Variants in WDR70 observed in about 807,000 individuals in gnomAD.
The protein encoded by WDR70 is WD repeat domain 70.
WDR70 carries 53 observed loss-of-function variants against 88.6 expected under a neutral mutation model. The observed-to-expected ratio is 0.60, with a 90% CI of 0.48 to 0.75. WDR70 has a LOEUF of 0.75. Among genes scored for constraint, WDR70 ranks in the 30% least tolerant of loss-of-function variants. WDR70 has a pLI of 0.00. For missense variants in WDR70, 610 were observed against 823.2 expected, an observed-to-expected ratio of 0.74 and a Z score of 3.17; for synonymous variants, 280 against 270.0, an observed-to-expected ratio of 1.04 and a Z score of -0.36.
intron 10 of WDR70, among the ~76,000 whole-genome samples, chr5:37,665,913 C>T (rs1376670292): frequency 6.6e-6 from 1 of 152,206 alleles, no homozygotes; most frequent in African/African-American, 2.4e-5. Flanking sequence ...TCCTCTGCTT[C>T]CTCACCCTCC....
intron 17 of WDR70, among the ~76,000 whole-genome samples, chr5:37,738,373 A>G (rs1748366190): frequency 6.6e-6 from 1 of 152,178 alleles, no homozygotes; most frequent in African/African-American, 2.4e-5. Context: ...CCTGGAGCTC[A>G]CTTTATGCTT....
intron 9 of WDR70, among the ~76,000 whole-genome samples, chr5:37,527,223 C>T (rs1741308534): frequency 6.6e-6 from 1 of 152,210 alleles, no homozygotes; most frequent in Admixed American, 6.5e-5. Flanking sequence ...CGTTACCTGA[C>T]TTCAAACTAT....
At chr5:37,563,765 C>A (rs1385069397) in intron 9 of WDR70, among the ~76,000 whole-genome samples, 1 of 135,290 alleles carries the variant, frequency 7.4e-6, no homozygotes, top group Admixed American at 7.6e-5. Context: ...CCTCACGTCC[C>A]AGACGGAGTG....
intron 5 of WDR70, among the ~76,000 whole-genome samples, chr5:37,434,677 T>C (rs980053917): frequency 1.3e-5 from 2 of 152,210 alleles, no homozygotes; most frequent in Non-Finnish European, 2.9e-5. Flanking sequence ...ATTTTAGATA[T>C]ATTTACCATC....
intron 7 of WDR70, among the ~76,000 whole-genome samples, chr5:37,476,015 T>A (rs1739470732): frequency 1.3e-5 from 2 of 151,784 alleles, no homozygotes; most frequent in South Asian, 2.1e-4. Flanking sequence ...CCAGCTATGT[T>A]TTTTTTTGCA....
chr5:37,559,827 A>G (rs1023426782), intron 9 of WDR70, among the ~76,000 whole-genome samples: 1 of 151,966 alleles, frequency 6.6e-6, no homozygotes, highest in African/African-American at 2.4e-5. Flanking sequence ...CCTGGGCAAC[A>G]AGAGCAAAAT....
At chr5:37,509,253 T>A (rs1194952447) in intron 8 of WDR70, among the ~76,000 whole-genome samples, 2 of 152,198 alleles carry the variant, frequency 1.3e-5, no homozygotes, top group African/African-American at 2.4e-5. Context: ...ATAGAAATGC[T>A]CTAAGCATTT....
intron 9 of WDR70, among the ~76,000 whole-genome samples, chr5:37,596,222 A>G (rs1215990738): frequency 6.6e-6 from 1 of 152,198 alleles, no homozygotes; most frequent in Non-Finnish European, 1.5e-5. Flanking sequence ...AACAGTACAC[A>G]GGAATAATAG....
intron 3 of WDR70, among the ~76,000 whole-genome samples, chr5:37,382,101 G>GGTT (rs1554135558): frequency 9.1e-6 from 1 of 110,242 alleles, no homozygotes; most frequent in African/African-American, 7.7e-5. Flanking sequence ...TATCACTGTT[G>GGTT]TTTTTTTTTT....
intron 8 of WDR70, among the ~76,000 whole-genome samples, chr5:37,515,764 C>T (rs1370257422): frequency 1.3e-5 from 2 of 152,190 alleles, no homozygotes; most frequent in Non-Finnish European, 2.9e-5. Flanking sequence ...AGACCAGGCT[C>T]TTTTCTATCC....
intron 7 of WDR70, among the ~76,000 whole-genome samples, chr5:37,472,461 A>G (rs554004854): frequency 6.6e-6 from 1 of 152,202 alleles, no homozygotes; most frequent in African/African-American, 2.4e-5. Flanking sequence ...GAATATACCA[A>G]ATGTACAAAT....
intron 8 of WDR70, among the ~76,000 whole-genome samples, chr5:37,508,636 G>A (rs994077872): frequency 5.9e-5 from 9 of 152,164 alleles, no homozygotes; most frequent in East Asian, 1.9e-4. Context: ...TTGTATTCTT[G>A]GAACAAAGCC....
At chr5:37,749,841 C>CAAA (rs1385920363) in intron 17 of WDR70, among the ~76,000 whole-genome samples, 6 of 146,446 alleles carry the variant, frequency 4.1e-5, no homozygotes, top group Non-Finnish European at 9.0e-5. Context: ...AAAAAAAAAA[C>CAAA]CAAAAACGCA....
chr5:37,514,749 G>A (rs1740835284), intron 8 of WDR70, among the ~76,000 whole-genome samples: 1 of 152,054 alleles, frequency 6.6e-6, no homozygotes, highest in Admixed American at 6.6e-5. Flanking sequence ...GGGCGCAGTG[G>A]CTCACTCCTG....
At chr5:37,478,271 A>G (rs1299605204) in intron 7 of WDR70, among the ~76,000 whole-genome samples, 1 of 152,214 alleles carries the variant, frequency 6.6e-6, no homozygotes, top group Non-Finnish European at 1.5e-5. Flanking sequence ...AATGCCTGAA[A>G]TATTGCACCT....
chr5:37,587,875 G>A (rs1743410283), intron 9 of WDR70, among the ~76,000 whole-genome samples: 1 of 150,532 alleles, frequency 6.6e-6, no homozygotes, highest in Non-Finnish European at 1.5e-5. Flanking sequence ...CACCTCCCGG[G>A]TTCAAGTGAT....
intron 5 of WDR70, among the ~76,000 whole-genome samples, chr5:37,397,144 C>A (rs909293908): frequency 2.6e-4 from 1 of 3,798 alleles, no homozygotes; most frequent in Non-Finnish European, 8.1e-4. Context: ...CTCAAACCGC[C>A]CCCCCCAACC....
chr5:37,411,855 T>C (rs1202621877), intron 5 of WDR70, among the ~76,000 whole-genome samples: 2 of 152,140 alleles, frequency 1.3e-5, no homozygotes, highest in Non-Finnish European at 2.9e-5. Context: ...TGTATTTTAC[T>C]TCAGTTACTA....
chr5:37,555,605 A>G (rs529434999), intron 9 of WDR70, among the ~76,000 whole-genome samples: 1 of 152,222 alleles, frequency 6.6e-6, no homozygotes, highest in Non-Finnish European at 1.5e-5. Flanking sequence ...TGAGCATGCT[A>G]TAAGTATAGT....
Sources: allele counts gnomAD v4.1 joint callset (sites outside exome capture counted in the v4.1 genomes callset), GRCh38; gene constraint gnomAD v4.1.1; transcripts MANE v1.5; gene names NCBI Gene and HGNC (gene_info 2026-07-23, HGNC 2026-07-21).